The following EBP variants were observed in gnomAD, a reference collection of about 807,000 sequenced individuals.
The protein encoded by EBP is 3-beta-hydroxysteroid-Delta(8),Delta(7)-isomerase.
In EBP, 1 loss-of-function variant was observed where a neutral mutation model predicts 14.1. The ratio of observed to expected loss-of-function variants is 0.07; its 90% CI spans 0.03 to 0.34. The LOEUF is 0.34. EBP is among the 10% of genes least tolerant of loss of function. The pLI is 0.99. For missense variants in EBP, 123 were observed against 184.6 expected (o/e 0.67, Z 1.93); for synonymous variants, 72 against 77.7 (o/e 0.93, Z 0.38).
intron 2 of EBP, among the ~76,000 whole-genome samples, chrX:48,526,665 T>A (rs969791053): frequency 1.8e-5 from 2 of 111,953 alleles, no homozygotes; most frequent in Non-Finnish European, 3.8e-5. Context: ...CTCACTCTTG[T>A]ATTCACTCAT....
intron 1 of EBP, among the ~76,000 whole-genome samples, chrX:48,523,222 A>G (rs1293595825): frequency 8.9e-6 from 1 of 111,874 alleles, no homozygotes; most frequent in Non-Finnish European, 1.9e-5. Flanking sequence ...AAGCACTGGA[A>G]TTACCTGCCA....
chrX:48,528,281 G>A lies in EBP; in HGVS notation c.517G>A (p.Gly173Arg), dbSNP rs781964042. 16 of 1,211,688 alleles carry A rather than the reference G, an allele frequency of 1.3e-5. No homozygotes were observed. The highest frequency in any genetic ancestry group is 4.6e-4 in the Middle Eastern group (2 of 4,352). ...CTACTTCCTGACAGAGCACCGCGAC[G>A]GATTCCAGCACGGAGAGCTGGGCCA... ...VLYFLTEHRD[G>R]FQHGELGHPL... Residue 173 changes from glycine to arginine, a missense_variant, in exon 5 of 5, where the codon GGA (glycine) becomes AGA (arginine). Coordinates refer to ENST00000495186, the MANE Select transcript of EBP (RefSeq NM_006579.3).
At position 48,523,553 on chromosome X, in the gene EBP, G is replaced by GA. The variant is rs782437115; in HGVS notation, c.-73-129dup. The GA allele has an allele frequency of 0.23, 51,860 of 220,936 alleles. 63 individuals are homozygous for GA. The highest frequency in any genetic ancestry group is 0.25 in the East Asian group (2,899 of 11,576). 18.2% of individuals were successfully genotyped at this position (220,936 alleles called of 1,213,427 possible). A position where few individuals can be genotyped will look rare whatever the true frequency, so the allele number is the denominator to read the frequency against. On this transcript the variant is annotated intron_variant, in intron 1 of 4. Coordinates refer to ENST00000495186, the MANE Select transcript of EBP (RefSeq NM_006579.3). ...TGGGTGACAGAGCAAGACTCCGTCTGAAAAAAAAAAAAAAAAACGGAATGT... is the reference window on the plus strand; with the variant it reads ...TGGGTGACAGAGCAAGACTCCGTCTGAAAAAAAAAAAAAAAAAACGGAATGT...
chrX:48,526,138 C>T (rs969676478), intron 2 of EBP, among the ~76,000 whole-genome samples: 4 of 107,375 alleles, frequency 3.7e-5, no homozygotes, highest in Admixed American at 1.0e-4. Flanking sequence ...GCCATTGTGC[C>T]CGGCTGGTCA....
At chrX:48,523,165 G>T (rs1416817188) in intron 1 of EBP, among the ~76,000 whole-genome samples, 1 of 112,069 alleles carries the variant, frequency 8.9e-6, no homozygotes, top group Non-Finnish European at 1.9e-5. Context: ...TGCCCAGGCC[G>T]GACTTGAATT....
At chrX:48,527,589 G>A in intron 4 of EBP, 1 of 356,836 alleles carries the variant, frequency 2.8e-6, no homozygotes, top group African/African-American at 2.5e-5. Flanking sequence ...AGGGCTCTGA[G>A]ATCCCTTCAT....
intron 2 of EBP, among the ~76,000 whole-genome samples, chrX:48,525,550 C>CT (rs782237659): frequency 2.9e-5 from 3 of 104,683 alleles, no homozygotes; most frequent in Admixed American, 1.0e-4. Context: ...TTTTTAACAA[C>CT]TTTTTTTTTT....
intron 1 of EBP, among the ~76,000 whole-genome samples, chrX:48,523,083 A>C (rs1291119042): frequency 1.8e-5 from 2 of 111,482 alleles, no homozygotes; most frequent in African/African-American, 3.3e-5. Context: ...CCTACCTACT[A>C]GCTGGGACTA....
intron 1 of EBP, among the ~76,000 whole-genome samples, chrX:48,522,953 G>A (rs1336227640): frequency 9.4e-6 from 1 of 106,325 alleles, no homozygotes. Context: ...GATTACAGGC[G>A]TGAGCCACCG....
At chrX:48,525,909 A>C (rs1443877834) in intron 2 of EBP, among the ~76,000 whole-genome samples, 1 of 108,238 alleles carries the variant, frequency 9.2e-6, no homozygotes, top group Non-Finnish European at 1.9e-5. Flanking sequence ...CAACATAGTG[A>C]AACCCCGTCT....
Position 48,523,729 on chromosome X carries a change from T to TA in EBP, c.-41dup, listed in dbSNP as rs781954939. Reference sequence around the variant, plus strand: ...TCTGTTCCTTTTTTTTTTTTTTTTTTAACTTCCTGCCTATACACACGCAGC... The same window carrying TA: ...TCTGTTCCTTTTTTTTTTTTTTTTTTAAACTTCCTGCCTATACACACGCAGC... On this transcript the variant is annotated 5_prime_UTR_variant, in exon 2 of 5. Transcript: ENST00000495186. The TA allele has an allele frequency of 9.6e-6, 10 of 1,040,924 alleles. No individual in the cohort carries two copies. In the Admixed American group the frequency reaches 1.5e-4, roughly 16 times the overall value. 85.8% of individuals were successfully genotyped at this position (1,040,924 alleles called of 1,213,427 possible). A position where few individuals can be genotyped will look rare whatever the true frequency, so the allele number is the denominator to read the frequency against.
At position 48,528,538 on chromosome X, in the gene EBP, T is replaced by A. The variant is rs980755658; in HGVS notation, c.*81T>A. Reference sequence around the variant, plus strand: ...AGAGTCTAGTCCTGCTCCCACAGTTTGGAGGGACAAAGCTAATTGATCTGT... The same window carrying A: ...AGAGTCTAGTCCTGCTCCCACAGTTAGGAGGGACAAAGCTAATTGATCTGT... On this transcript the variant is annotated 3_prime_UTR_variant, in exon 5 of 5. Coordinates refer to ENST00000495186, the MANE Select transcript of EBP (RefSeq NM_006579.3). 1 of 903,652 alleles carries A rather than the reference T, an allele frequency of 1.1e-6. No homozygotes were observed. The highest frequency in any genetic ancestry group is 2.1e-5 in the South Asian group (1 of 47,259). 74.5% of individuals were successfully genotyped at this position (903,652 alleles called of 1,213,427 possible).
intron 4 of EBP, chrX:48,527,582 G>A (rs1556977650): frequency 2.8e-6 from 1 of 363,396 alleles, no homozygotes; most frequent in African/African-American, 2.6e-5. Flanking sequence ...CAGGATCAGG[G>A]CTCTGAGATC....
In EBP at chrX:48,526,859, T is replaced by C. The variant is rs932056376; in HGVS notation, c.302-130T>C. 2.2e-5 allele frequency: 16 copies of C among 732,106 alleles called. No homozygotes were observed. In the African/African-American group the frequency reaches 3.1e-4, roughly 14 times the overall value. 60.3% of individuals were successfully genotyped at this position (732,106 alleles called of 1,213,427 possible). A position where few individuals can be genotyped will look rare whatever the true frequency, so the allele number is the denominator to read the frequency against. On this transcript the variant is annotated intron_variant, in intron 2 of 4. Transcript: ENST00000495186. The stretch of plus-strand genomic sequence containing the variant: ...CACTAGAATCCAAACAGTTACCCCA[T>C]TTCACGGATGAGGAAGCAGACGCAT...
intron 1 of EBP, among the ~76,000 whole-genome samples, chrX:48,523,223 T>A (rs2061768545): frequency 8.9e-6 from 1 of 112,007 alleles, no homozygotes; most frequent in East Asian, 2.8e-4. Context: ...AGCACTGGAA[T>A]TACCTGCCAC....
intron 1 of EBP, among the ~76,000 whole-genome samples, chrX:48,523,074 CTA>C (rs2147153926): frequency 8.9e-6 from 1 of 111,905 alleles, no homozygotes; most frequent in African/African-American, 3.2e-5. Flanking sequence ...CTGCCTCAGC[CTA>C]CCTACTAGCT....
chrX:48,525,364 A>G (rs1179085974), intron 2 of EBP, among the ~76,000 whole-genome samples: 9 of 111,211 alleles, frequency 8.1e-5, no homozygotes, highest in South Asian at 3.8e-4. Context: ...CAAGAAAACC[A>G]AAGAAGCCAT....
At chrX:48,522,421 T>G (rs1556976740) in intron 1 of EBP, among the ~76,000 whole-genome samples, 4 of 111,691 alleles carry the variant, frequency 3.6e-5, no homozygotes, top group Non-Finnish European at 7.5e-5. Flanking sequence ...AGCACAGGAC[T>G]GGGTTTGGTG....
Position 48,523,949 on chromosome X carries a change from A to C in EBP, c.178A>C (p.Thr60Pro). ...TCGTGCTGCGGTTGTCCCATTGGGG[A>C]CTTGGCGGCGACTGTCCCTGTGCTG... Reference protein sequence around the residue: ...SGRAAVVPLGTWRRLSLCWFA... With the variant: ...SGRAAVVPLGPWRRLSLCWFA... The change falls in exon 2 of 5, where the codon ACT (threonine) becomes CCT (proline). Residue 60 changes from threonine to proline, a missense_variant. By Grantham distance (38) the Thr-to-Pro change is conservative. Transcript: ENST00000495186. 2.5e-6 allele frequency: 3 copies of C among 1,210,860 alleles called. No individual in the cohort carries two copies. The South Asian group carries it at 5.3e-5, about 21-fold the overall frequency.
Sources: allele counts gnomAD v4.1 joint callset (sites outside exome capture counted in the v4.1 genomes callset), GRCh38; gene constraint gnomAD v4.1.1; transcripts MANE v1.5; gene names NCBI Gene and HGNC (gene_info 2026-07-23, HGNC 2026-07-21).